The following MAN1A2 variants were observed in gnomAD, a reference collection of about 807,000 sequenced individuals.
The protein encoded by MAN1A2 is mannosyl-oligosaccharide 1,2-alpha-mannosidase IB.
Under a neutral mutation model 75.7 loss-of-function variants are expected in MAN1A2, and 26 were observed. That is an observed-to-expected ratio of 0.34 (90% confidence interval 0.25 to 0.48). The LOEUF (loss-of-function observed/expected upper bound fraction) is 0.48, where lower values mean the gene tolerates loss of function less well. MAN1A2 is among the 20% of genes least tolerant of loss of function. MAN1A2 has a pLI of 0.99. For synonymous variants in MAN1A2, 247 were observed against 264.6 expected (o/e 0.93, Z 0.65); for missense variants, 562 against 775.5 (o/e 0.72, Z 3.27).
intron 4 of MAN1A2, among the ~76,000 whole-genome samples, chr1:117,418,846 T>C (rs1648097814): frequency 6.6e-6 from 1 of 152,272 alleles, no homozygotes; most frequent in South Asian, 2.1e-4. Context: ...TGATTATATA[T>C]AGTTAGATGA....
intron 1 of MAN1A2, among the ~76,000 whole-genome samples, chr1:117,389,193 G>A (rs1653639498): frequency 6.6e-6 from 1 of 152,150 alleles, no homozygotes; most frequent in Admixed American, 6.5e-5. Flanking sequence ...GTGCATGATA[G>A]TTTCTTCTTT....
rs12079374 is a variant in MAN1A2 at position 117,415,581 on chromosome 1, A to C, written c.774+750A>C. Reference sequence around the variant, plus strand: ...AATTTGGACGTATCTCAAAGAGAACAATTTTTATTATCAATTAAGTTTAGG... The same window carrying C: ...AATTTGGACGTATCTCAAAGAGAACCATTTTTATTATCAATTAAGTTTAGG... On this transcript the variant is annotated intron_variant, in intron 4 of 12. Coordinates refer to ENST00000356554, the MANE Select transcript of MAN1A2 (RefSeq NM_006699.5). Among the ~76,000 whole-genome samples the C allele has an allele frequency of 7.9e-3, 1,199 of 152,298 alleles. 12 individuals are homozygous for C. Among genetic ancestry groups the C allele is most frequent in the African/African-American group, 0.027 (1,128 of 41,568 alleles).
intron 8 of MAN1A2, among the ~76,000 whole-genome samples, chr1:117,477,163 C>T (rs1264606910): frequency 6.6e-6 from 1 of 151,690 alleles, no homozygotes; most frequent in Non-Finnish European, 1.5e-5. Flanking sequence ...CAAAAGAAGC[C>T]CAGGACCAGA....
At chr1:117,417,002 A>G (rs1353361976) in intron 4 of MAN1A2, among the ~76,000 whole-genome samples, 1 of 152,186 alleles carries the variant, frequency 6.6e-6, no homozygotes, top group African/African-American at 2.4e-5. Context: ...CACTATCAGA[A>G]ACTAGAAGTA....
intron 1 of MAN1A2, 47 bp downstream of exon 1, chr1:117,368,532 G>A (rs780610329): frequency 5.4e-6 from 8 of 1,494,204 alleles, no homozygotes; most frequent in African/African-American, 1.4e-5. Flanking sequence ...GCAGAGCAAG[G>A]TACGGTGATT....
intron 6 of MAN1A2, among the ~76,000 whole-genome samples, chr1:117,457,476 C>T (rs982778898): frequency 2.0e-5 from 3 of 151,912 alleles, no homozygotes; most frequent in Non-Finnish European, 4.4e-5. Flanking sequence ...TAGGGATTTT[C>T]TTATTTTTCT....
At chr1:117,452,931 G>A (rs1198585826) in intron 6 of MAN1A2, among the ~76,000 whole-genome samples, 1 of 152,200 alleles carries the variant, frequency 6.6e-6, no homozygotes, top group Non-Finnish European at 1.5e-5. Flanking sequence ...GGGGCTGATA[G>A]AGCTGATGAT....
In MAN1A2 at chr1:117,441,896, A is replaced by G. The variant is rs185805180; in HGVS notation, c.856-335A>G. Among the ~76,000 whole-genome samples the G allele has an allele frequency of 2.6e-3, 401 of 152,330 alleles. 2 individuals are homozygous for G. The highest frequency in any genetic ancestry group is 8.5e-3 in the African/African-American group (353 of 41,576). On this transcript the variant is annotated intron_variant, in intron 5 of 12. Coordinates refer to ENST00000356554, the MANE Select transcript of MAN1A2 (RefSeq NM_006699.5). ...CCTCTTTCTTTTGTTTATATTTTGA[A>G]CTAAACCTGTTTACCTTGGATGAAA...
At chr1:117,465,741 A>G (rs1649961002) in intron 7 of MAN1A2, among the ~76,000 whole-genome samples, 1 of 152,108 alleles carries the variant, frequency 6.6e-6, no homozygotes, top group Non-Finnish European at 1.5e-5. Flanking sequence ...AATCCCTAGG[A>G]AAGTCTCCAG....
intron 11 of MAN1A2, among the ~76,000 whole-genome samples, chr1:117,501,452 A>G (rs1049471167): frequency 3.3e-5 from 5 of 151,814 alleles, no homozygotes; most frequent in African/African-American, 1.2e-4. Context: ...GAATAGCAGT[A>G]TAGCGTGTCT....
intron 6 of MAN1A2, among the ~76,000 whole-genome samples, chr1:117,455,789 A>G (rs1280120663): frequency 1.3e-5 from 2 of 151,484 alleles, no homozygotes; most frequent in Admixed American, 1.3e-4. Context: ...TTAGAGAGAT[A>G]CTTTTTTTTT....
At position 117,389,670 on chromosome 1, in the gene MAN1A2, A is replaced by G. The variant is rs149473533; in HGVS notation, c.303-12516A>G. 8.8e-4 allele frequency among the ~76,000 whole-genome samples: 134 copies of G among 152,276 alleles called. 1 individual carries two copies. Among genetic ancestry groups the G allele is most frequent in the Admixed American group, 2.0e-3 (30 of 15,304 alleles). On this transcript the variant is annotated intron_variant, in intron 1 of 12. Transcript: ENST00000356554. ...TTTCATTATGTGTTTTAAAACTACA[A>G]CAAAGCAATTTAAAGGTCTTATAAG... is the stretch of plus-strand genomic sequence containing the variant.
In MAN1A2 at chr1:117,387,940, T is replaced by C. The variant is rs543682214; in HGVS notation, c.303-14246T>C. ...CCACCCTCACTACTTAATCTAATCC[T>C]GAGTACCTCCCAAGGCCCCCCACCC... is the stretch of plus-strand genomic sequence containing the variant. On this transcript the variant is annotated intron_variant, in intron 1 of 12. Coordinates refer to ENST00000356554, the MANE Select transcript of MAN1A2 (RefSeq NM_006699.5). Among the ~76,000 whole-genome samples the C allele has an allele frequency of 2.0e-5, 3 of 152,000 alleles. No individual in the cohort carries two copies. In the South Asian group the frequency reaches 6.3e-4, roughly 32 times the overall value.
At chr1:117,504,062 G>A (rs1481018477) in intron 12 of MAN1A2, among the ~76,000 whole-genome samples, 1 of 151,048 alleles carries the variant, frequency 6.6e-6, no homozygotes, top group East Asian at 1.9e-4. Context: ...ATTACTGCTG[G>A]GATGGTTTAG....
At chr1:117,444,018 T>C (rs1019153872) in intron 6 of MAN1A2, among the ~76,000 whole-genome samples, 1 of 152,082 alleles carries the variant, frequency 6.6e-6, no homozygotes, top group Non-Finnish European at 1.5e-5. Flanking sequence ...ATCTATCATA[T>C]TTATCTTCTA....
rs543050519 is a variant in MAN1A2, at chr1:117,525,933, C to T, written c.*2976C>T. 1.3e-5 allele frequency: 2 copies of T among 151,700 alleles called. No individual in the cohort carries two copies. Among genetic ancestry groups the T allele is most frequent in the South Asian group, 4.1e-4 (2 of 4,824 alleles). The allele number at this position is 151,700 out of a possible 1,614,324, so 9.4% of individuals were successfully genotyped here. A position where few individuals can be genotyped will look rare whatever the true frequency, so the allele number is the denominator to read the frequency against. ...CAGGTGTTTATATGTAAAATAAAACCTGGGTATCGAAGGGAAATGCATTCT... is the reference window on the plus strand; with the variant it reads ...CAGGTGTTTATATGTAAAATAAAACTTGGGTATCGAAGGGAAATGCATTCT... On this transcript the variant is annotated 3_prime_UTR_variant, in exon 13 of 13. Transcript: ENST00000356554.
In MAN1A2 at chr1:117,477,704, A is replaced by G. The variant is rs7537608; in HGVS notation, c.1168+11277A>G. 6.2e-3 allele frequency among the ~76,000 whole-genome samples: 946 copies of G among 152,176 alleles called. 8 individuals are homozygous for G. The highest frequency in any genetic ancestry group is 0.022 in the African/African-American group (906 of 41,544). On this transcript the variant is annotated intron_variant, in intron 8 of 12. Coordinates refer to ENST00000356554, the MANE Select transcript of MAN1A2 (RefSeq NM_006699.5). ...TACTGAGTGGGCAAAAACTGGAAGC[A>G]TTCCCTTTGAAAACTGGCACAAGAT...
intron 1 of MAN1A2, among the ~76,000 whole-genome samples, chr1:117,378,610 C>A (rs980999873): frequency 6.6e-6 from 1 of 150,516 alleles, no homozygotes; most frequent in Non-Finnish European, 1.5e-5. Flanking sequence ...ACTATAGTTA[C>A]TGGGTTGTAG....
At chr1:117,391,712 C>T (rs774563134) in intron 1 of MAN1A2, among the ~76,000 whole-genome samples, 3 of 152,194 alleles carry the variant, frequency 2.0e-5, no homozygotes, top group Non-Finnish European at 4.4e-5. Flanking sequence ...CAGACTTTGA[C>T]ATCTGAACCT....
Sources: gnomAD v4.1 joint callset for allele counts (sites outside exome capture counted in the v4.1 genomes callset) on GRCh38, gnomAD v4.1.1 for gene constraint, MANE v1.5 for transcripts, NCBI Gene and HGNC (gene_info 2026-07-23, HGNC 2026-07-21) for gene names.